MON1B: variants seen among roughly 807,000 people sequenced by gnomAD.
MON1B encodes the protein MON1 vesicular trafficking associated B.
Under a neutral mutation model 45.1 loss-of-function variants are expected in MON1B, and 26 were observed. The ratio of observed to expected loss-of-function variants is 0.58; its 90% CI spans 0.42 to 0.80. The LOEUF (loss-of-function observed/expected upper bound fraction) is 0.80. MON1B is among the 30% of genes least tolerant of loss of function. The probability of loss-of-function intolerance (pLI) is 0.00; values close to 1 mark genes in which losing one functional copy is unlikely to be tolerated. For synonymous variants in MON1B, 395 were observed against 320.2 expected (o/e 1.23, Z -2.49); for missense variants, 737 against 754.5 (o/e 0.98, Z 0.27).
At position 77,195,084 on chromosome 16, in the gene MON1B, G is replaced by C; in HGVS notation, c.1225G>C (p.Gly409Arg). The change falls in exon 4 of 6, where the codon GGC (glycine) becomes CGC (arginine). Residue 409 changes from glycine (G) to arginine (R), a missense_variant. Gly to Arg is a moderately radical substitution (Grantham distance 125, BLOSUM62 -2). Coordinates refer to ENST00000248248, the MANE Select transcript of MON1B (RefSeq NM_014940.4). ...CAGCGTGCAGGCTGTCGGGGCGCCGGGCCTCCGGCACTTCCTGTATAAGCC... is the reference window on the plus strand; with the variant it reads ...CAGCGTGCAGGCTGTCGGGGCGCCGCGCCTCCGGCACTTCCTGTATAAGCC... ...AYSVQAVGAP[G>R]LRHFLYKPLD... 1 of 1,603,842 alleles carries C rather than the reference G, an allele frequency of 6.2e-7. No individual in the cohort carries two copies. The highest frequency in any genetic ancestry group is 8.5e-7 in the Non-Finnish European group (1 of 1,179,710).
In MON1B at chr16:77,202,299, T is replaced by C. The variant is rs1357557695; in HGVS notation, c.*3991T>C. On this transcript the variant is annotated 3_prime_UTR_variant, in exon 6 of 6. Coordinates refer to ENST00000248248, the MANE Select transcript of MON1B (RefSeq NM_014940.4). ...CTTATTGTTCAGAATCACTCACAAA[T>C]GGGAAATCTGATATAAGGACAAAAT... is the stretch of plus-strand genomic sequence containing the variant. 6.6e-6 allele frequency: 1 copy of C among 152,286 alleles called. No homozygotes were observed. Among genetic ancestry groups the C allele is most frequent in the East Asian group, 1.9e-4 (1 of 5,182 alleles). 9.4% of individuals were successfully genotyped at this position (152,286 alleles called of 1,614,324 possible).
Position 77,202,180 on chromosome 16 carries a change from T to C in MON1B, c.*3872T>C, listed in dbSNP as rs1239421059. ...TTGGATCAGTATTAACATCCAGGTT[T>C]TGATTGTTGTACTATGGTTACCTGG... On this transcript the variant is annotated 3_prime_UTR_variant, in exon 6 of 6. Coordinates refer to ENST00000248248, the MANE Select transcript of MON1B (RefSeq NM_014940.4). The C allele has an allele frequency of 6.6e-6, 1 of 152,206 alleles. No individual in the cohort carries two copies. The highest frequency in any genetic ancestry group is 2.4e-5 in the African/African-American group (1 of 41,448). 9.4% of individuals were successfully genotyped at this position (152,206 alleles called of 1,614,324 possible). A position where few individuals can be genotyped will look rare whatever the true frequency, so the allele number is the denominator to read the frequency against.
At chr16:77,197,961 C>A in intron 5 of MON1B, 147 bp from the exon 6 acceptor site, 1 of 771,630 alleles carries the variant, frequency 1.3e-6, no homozygotes, top group Non-Finnish European at 2.2e-6. Flanking sequence ...CCTACCTTAG[C>A]CCAGTATCTA....
Position 77,195,743 on chromosome 16 carries a change from T to G in MON1B, c.1443+61T>G. The G allele has an allele frequency of 1.9e-6, 3 of 1,586,258 alleles. No individual in the cohort carries two copies. The South Asian group carries it at 3.4e-5, about 18-fold the overall frequency. ...CACTTCAAGCCTCCTTTCCCTATAT[T>G]GTATCCCCTCCAGCCACAGTGCCTC... On this transcript the variant is annotated intron_variant, in intron 5 of 5. Coordinates refer to ENST00000248248, the MANE Select transcript of MON1B (RefSeq NM_014940.4).
chr16:77,200,254 G>GTGTATATATATA lies in MON1B; in HGVS notation c.*1948_*1959dup. On this transcript the variant is annotated 3_prime_UTR_variant, in exon 6 of 6. Transcript: ENST00000248248. ...TGTGTATATATATATATATGTATAT[G>GTGTATATATATA]TGTATATATATATATATGTGTATAT... 1 of 84,388 alleles carries GTGTATATATATA rather than the reference G, an allele frequency of 1.2e-5. No homozygotes were observed. Among genetic ancestry groups the GTGTATATATATA allele is most frequent in the East Asian group, 2.9e-4 (1 of 3,420 alleles). 5.2% of individuals were successfully genotyped at this position (84,388 alleles called of 1,614,324 possible).
chr16:77,199,343 G>T lies in MON1B; in HGVS notation c.*1035G>T, dbSNP rs899120741. On this transcript the variant is annotated 3_prime_UTR_variant, in exon 6 of 6. Transcript: ENST00000248248. ...GAGCTGACTCCTGATTTAACCGCTGGCGTAACCGCGGGTTGCACGCATGCG... is the reference window on the plus strand; with the variant it reads ...GAGCTGACTCCTGATTTAACCGCTGTCGTAACCGCGGGTTGCACGCATGCG... The T allele has an allele frequency of 8.2e-6, 9 of 1,096,986 alleles. No homozygotes were observed. In the Admixed American group the frequency reaches 2.0e-4, roughly 25 times the overall value. 68.0% of individuals were successfully genotyped at this position (1,096,986 alleles called of 1,614,324 possible).
chr16:77,192,102 G>A (rs147011899), intron 2 of MON1B, among the ~76,000 whole-genome samples: 6 of 152,116 alleles, frequency 3.9e-5, no homozygotes, highest in Non-Finnish European at 8.8e-5. Context: ...GTAGACTGTT[G>A]GGGAAGTCTT....
rs2054615743 is a variant in MON1B at position 77,191,602 on chromosome 16, G to C, written c.117G>C (p.Pro39=). ...GTGGAGGGGTTCACGCGGTCCCGCC[G>C]GATCCCGAAGACGAGGGCCTGGAGG... ...REGGGVHAVP[P]DPEDEGLEET... Residue 39 remains proline, a synonymous_variant, in exon 2 of 6, where the codon CCG becomes CCC. Coordinates refer to ENST00000248248, the MANE Select transcript of MON1B (RefSeq NM_014940.4). 6.2e-7 allele frequency: 1 copy of C among 1,611,044 alleles called. No homozygotes were observed. Among genetic ancestry groups the C allele is most frequent in the Non-Finnish European group, 8.5e-7 (1 of 1,179,244 alleles).
At position 77,198,363 on chromosome 16, in the gene MON1B, C is replaced by T. The variant is rs898790538; in HGVS notation, c.*55C>T. The T allele has an allele frequency of 1.3e-6, 2 of 1,541,444 alleles. No homozygotes were observed. The highest frequency in any genetic ancestry group is 1.1e-5 in the South Asian group (1 of 89,102). On this transcript the variant is annotated 3_prime_UTR_variant, in exon 6 of 6. Coordinates refer to ENST00000248248, the MANE Select transcript of MON1B (RefSeq NM_014940.4). ...GGGAGCAACCACCTTTGTTTTTTAC[C>T]TTCTGTCTACCCTGGAAATGTGTGT...
At chr16:77,196,988 G>C (rs894474948) in intron 5 of MON1B, among the ~76,000 whole-genome samples, 3 of 152,130 alleles carry the variant, frequency 2.0e-5, no homozygotes, top group African/African-American at 7.2e-5. Context: ...CACTATGTGA[G>C]CACATCTTAC....
In MON1B at chr16:77,193,451, G is replaced by A. The variant is rs1445159417; in HGVS notation, c.149G>A (p.Gly50Glu). Residue 50 changes from glycine (G) to glutamate (E), a missense_variant and splice_region_variant, in exon 3 of 6, where the codon GGA becomes GAA. Transcript: ENST00000248248. The surrounding 1 kb of genome is among the most constrained non-coding windows in gnomAD (Gnocchi z 5.0). ...TGACCCACCAGGGGCTCCCTTTCAG[G>A]ATCCAAGGACAAGGACCAGCCACCC... ...DPEDEGLEET[G>E]SKDKDQPPSP... 14 of 1,543,892 alleles carry A rather than the reference G, an allele frequency of 9.1e-6. No homozygotes were observed. The highest frequency in any genetic ancestry group is 1.2e-5 in the Non-Finnish European group (14 of 1,144,792).
rs2054742246 is a variant in MON1B, at chr16:77,201,506, G to C, written c.*3198G>C. ...GAGAAACAGGCCTTTTCCTGCCTCA[G>C]GGAAGAGAGCTGACTCAAAGTAAAG... On this transcript the variant is annotated 3_prime_UTR_variant, in exon 6 of 6. Coordinates refer to ENST00000248248, the MANE Select transcript of MON1B (RefSeq NM_014940.4). 6.6e-6 allele frequency: 1 copy of C among 152,196 alleles called. No individual in the cohort carries two copies. The highest frequency in any genetic ancestry group is 2.4e-5 in the African/African-American group (1 of 41,446). The allele number at this position is 152,196 out of a possible 1,614,324, so 9.4% of individuals were successfully genotyped here.
intron 2 of MON1B, among the ~76,000 whole-genome samples, chr16:77,191,882 G>A (rs537661363): frequency 5.3e-5 from 8 of 152,218 alleles, no homozygotes; most frequent in African/African-American, 1.9e-4. Context: ...ATCAAAAAGG[G>A]GGCTGTTAGG....
Position 77,201,323 on chromosome 16 carries a change from A to C in MON1B, c.*3015A>C, listed in dbSNP as rs1036352277. The C allele has an allele frequency of 6.6e-6, 1 of 152,248 alleles. No individual in the cohort carries two copies. The highest frequency in any genetic ancestry group is 1.9e-4 in the East Asian group (1 of 5,194). 9.4% of individuals were successfully genotyped at this position (152,248 alleles called of 1,614,324 possible). A position where few individuals can be genotyped will look rare whatever the true frequency, so the allele number is the denominator to read the frequency against. On this transcript the variant is annotated 3_prime_UTR_variant, in exon 6 of 6. Coordinates refer to ENST00000248248, the MANE Select transcript of MON1B (RefSeq NM_014940.4). ...ATGCAGCTGCCACTGCAATTAAAAA[A>C]AAAATTTTAGTATCAACCTTTCAAA...
rs1339129204 is a variant in MON1B at position 77,191,561 on chromosome 16, G to A, written c.76G>A (p.Glu26Lys). 6.2e-7 allele frequency: 1 copy of A among 1,608,898 alleles called. No homozygotes were observed. The highest frequency in any genetic ancestry group is 8.5e-7 in the Non-Finnish European group (1 of 1,178,730). The part of the protein sequence containing the change: ...EDLEDTQFPS[E>K]EAREGGGVHA... ...CTTGGAGGACACGCAGTTCCCCAGT[G>A]AGGAAGCTAGAGAAGGTGGAGGGGT... Residue 26 changes from glutamate to lysine, a missense_variant, in exon 2 of 6, where the codon GAG (glutamate) becomes AAG (lysine). Coordinates refer to ENST00000248248, the MANE Select transcript of MON1B (RefSeq NM_014940.4).
At chr16:77,191,351 G>A in intron 1 of MON1B, 93 bp downstream of exon 1, 2 of 1,563,450 alleles carry the variant, frequency 1.3e-6, no homozygotes, top group Non-Finnish European at 8.7e-7. Flanking sequence ...GATTTTGGAT[G>A]TCTCGTCCTA....
chr16:77,195,547 G>C lies in MON1B; in HGVS notation c.1308G>C (p.Glu436Asp). The C allele has an allele frequency of 1.9e-6, 3 of 1,613,634 alleles. No individual in the cohort carries two copies. The highest frequency in any genetic ancestry group is 2.5e-6 in the Non-Finnish European group (3 of 1,179,764). ...QLPQFTSPEL[E>D]APYSREEERQ... ...TCCATCATGGCAGCCCTGAGCTAGA[G>C]GCCCCCTACAGCAGAGAGGAGGAGC... Residue 436 changes from glutamate (E) to aspartate (D), a missense_variant, in exon 5 of 6, where the codon GAG becomes GAC. Glu to Asp is a conservative substitution (Grantham distance 45, BLOSUM62 2). Coordinates refer to ENST00000248248, the MANE Select transcript of MON1B (RefSeq NM_014940.4).
In MON1B at chr16:77,198,483, G is replaced by A. The variant is rs548158377; in HGVS notation, c.*175G>A. 3 of 691,498 alleles carry A rather than the reference G, an allele frequency of 4.3e-6. No homozygotes were observed. Among genetic ancestry groups the A allele is most frequent in the East Asian group, 5.4e-5 (2 of 36,742 alleles). The allele number at this position is 691,498 out of a possible 1,614,324, so 42.8% of individuals were successfully genotyped here. ...AGAGATGGTGGCAGCCGCCAGGCGA[G>A]CAGGCTGCTTTCCCTGCCCAGTCAT... On this transcript the variant is annotated 3_prime_UTR_variant, in exon 6 of 6. Transcript: ENST00000248248.
Position 77,193,420 on chromosome 16 carries a change from T to C in MON1B, c.149-31T>C, listed in dbSNP as rs1292650319. The C allele has an allele frequency of 6.6e-7, 1 of 1,524,650 alleles. No individual in the cohort carries two copies. Among genetic ancestry groups the C allele is most frequent in the Admixed American group, 2.1e-5 (1 of 46,848 alleles). 94.4% of individuals were successfully genotyped at this position (1,524,650 alleles called of 1,614,324 possible). ...ATGTGGGATTAGTTAGGAGTTCACA[T>C]GCAGATGACCCACCAGGGGCTCCCT... On this transcript the variant is annotated intron_variant, in intron 2 of 5. Coordinates refer to ENST00000248248, the MANE Select transcript of MON1B (RefSeq NM_014940.4). This position sits in a 1 kb window ranked among gnomAD's most constrained non-coding sequence, Gnocchi z 5.0.
Sources: allele counts gnomAD v4.1 joint callset (sites outside exome capture counted in the v4.1 genomes callset), GRCh38; gene constraint gnomAD v4.1.1; non-coding constraint Gnocchi (gnomAD v3.1); transcripts MANE v1.5; gene names NCBI Gene and HGNC (gene_info 2026-07-23, HGNC 2026-07-21).